The following CNTNAP2 variants were observed in gnomAD, a reference collection of about 807,000 sequenced individuals.
The protein encoded by CNTNAP2 is contactin-associated protein-like 2.
A neutral mutation model predicts 155.2 loss-of-function variants in CNTNAP2; 98 were observed. That is an observed-to-expected ratio of 0.63 (90% CI 0.54 to 0.75). The LOEUF is 0.75. CNTNAP2 is among the 30% of genes least tolerant of loss of function. The pLI, the probability that CNTNAP2 is intolerant of heterozygous loss-of-function variation, is 0.00. For missense variants in CNTNAP2, 1,727 were observed against 1,688.1 expected (o/e 1.02, Z -0.40); for synonymous variants, 651 against 631.2 (o/e 1.03, Z -0.47).
At chr7:147,109,156 T>C (rs780221690) in intron 5 of CNTNAP2, among the ~76,000 whole-genome samples, 4 of 152,182 alleles carry the variant, frequency 2.6e-5, no homozygotes, top group Non-Finnish European at 5.9e-5. Context: ...ATTACTTGTG[T>C]AGATATGAGA....
At chr7:147,479,893 A>G (rs2116625483) in intron 10 of CNTNAP2, among the ~76,000 whole-genome samples, 1 of 152,136 alleles carries the variant, frequency 6.6e-6, no homozygotes, top group East Asian at 1.9e-4. Flanking sequence ...ACAACATTTT[A>G]AATTAGTTAC....
At chr7:146,786,853 G>A (rs1802582444) in intron 2 of CNTNAP2, 1 of 152,048 alleles carries the variant, frequency 6.6e-6, no homozygotes, top group Non-Finnish European at 1.5e-5. Context: ...TCTGTCTTCT[G>A]CTTTAAAATT....
intron 14 of CNTNAP2, among the ~76,000 whole-genome samples, chr7:147,957,122 A>T (rs1801029083): frequency 6.6e-6 from 1 of 152,196 alleles, no homozygotes; most frequent in Non-Finnish European, 1.5e-5. Flanking sequence ...CAGGGGAAAA[A>T]GTCTGTTAAG....
chr7:147,429,845 G>C (rs1407631449), intron 10 of CNTNAP2, among the ~76,000 whole-genome samples: 2 of 152,032 alleles, frequency 1.3e-5, no homozygotes, highest in Non-Finnish European at 2.9e-5. Context: ...GTTTTTGTCA[G>C]CTTGGTCAAA....
At chr7:146,727,041 A>G (rs1385491978) in intron 1 of CNTNAP2, among the ~76,000 whole-genome samples, 5 of 152,012 alleles carry the variant, frequency 3.3e-5, no homozygotes, top group Non-Finnish European at 7.4e-5. Context: ...TTTTCTGCTG[A>G]AGTTATAAAT....
intron 9 of CNTNAP2, among the ~76,000 whole-genome samples, chr7:147,371,092 C>A (rs1437896088): frequency 6.6e-6 from 1 of 152,080 alleles, no homozygotes; most frequent in African/African-American, 2.4e-5. Context: ...GCTAAATTCA[C>A]CTCACAAAGG....
intron 15 of CNTNAP2, among the ~76,000 whole-genome samples, chr7:148,107,721 A>G (rs1388985088): frequency 6.6e-6 from 1 of 152,248 alleles, no homozygotes; most frequent in Non-Finnish European, 1.5e-5. Flanking sequence ...CCCAGCTCAC[A>G]GGAAACAATA....
At chr7:146,576,781 T>C (rs1022906244) in intron 1 of CNTNAP2, among the ~76,000 whole-genome samples, 1 of 152,172 alleles carries the variant, frequency 6.6e-6, no homozygotes, top group African/African-American at 2.4e-5. Context: ...TGTAAAATAG[T>C]ACATTCATAT....
chr7:147,310,173 T>A (rs73742538), intron 9 of CNTNAP2, among the ~76,000 whole-genome samples: 3,817 of 152,254 alleles, frequency 0.025, 154 homozygotes, highest in African/African-American at 0.084. Context: ...AAACTAATTA[T>A]CATTACAATT....
At chr7:146,316,212 C>A (rs1486748391) in intron 1 of CNTNAP2, among the ~76,000 whole-genome samples, 2 of 151,914 alleles carry the variant, frequency 1.3e-5, no homozygotes, top group African/African-American at 2.4e-5. Context: ...TTCCTATATA[C>A]CCCAAATGTT....
At chr7:147,112,218 T>A (rs1473532334) in intron 5 of CNTNAP2, among the ~76,000 whole-genome samples, 2 of 152,194 alleles carry the variant, frequency 1.3e-5, no homozygotes, top group Non-Finnish European at 2.9e-5. Flanking sequence ...TTTTATACAT[T>A]GATTTTGTAT....
intron 13 of CNTNAP2, among the ~76,000 whole-genome samples, chr7:147,798,515 C>T (rs184966606): frequency 6.6e-6 from 1 of 152,290 alleles, no homozygotes; most frequent in East Asian, 1.9e-4. Context: ...ATGGCTTCAT[C>T]CTTGCACTGG....
intron 9 of CNTNAP2, among the ~76,000 whole-genome samples, chr7:147,370,909 C>T (rs924960359): frequency 6.6e-6 from 1 of 151,956 alleles, no homozygotes; most frequent in Non-Finnish European, 1.5e-5. Context: ...TTAGTATTAC[C>T]AATTGTTACT....
chr7:146,647,412 G>T (rs1246666325), intron 1 of CNTNAP2, among the ~76,000 whole-genome samples: 2 of 152,012 alleles, frequency 1.3e-5, no homozygotes, highest in African/African-American at 4.8e-5. Flanking sequence ...TAAGAACCTT[G>T]TCTGAGGGAT....
rs534806900 is a variant in CNTNAP2, at chr7:147,689,141, A to G, written c.2098+49835A>G. Among the ~76,000 whole-genome samples the G allele has an allele frequency of 8.8e-5, 13 of 148,192 alleles. No individual in the cohort carries two copies. The South Asian group carries it at 2.7e-3, about 31-fold the overall frequency. On this transcript the variant is annotated intron_variant, in intron 13 of 23. Transcript: ENST00000361727. Reference sequence around the variant, plus strand: ...TTTATTTCTTGAAAGCGGAGTATTCATAATTACTACTTTTTTTTTTTTTTT... The same window carrying G: ...TTTATTTCTTGAAAGCGGAGTATTCGTAATTACTACTTTTTTTTTTTTTTT...
intron 10 of CNTNAP2, among the ~76,000 whole-genome samples, chr7:147,448,825 T>G (rs529348981): frequency 6.6e-6 from 1 of 152,300 alleles, no homozygotes; most frequent in Non-Finnish European, 1.5e-5. Context: ...GCTCTCTGTC[T>G]ACATAGTTGG....
chr7:147,633,171 A>G (rs2116913552), intron 12 of CNTNAP2, among the ~76,000 whole-genome samples: 1 of 152,332 alleles, frequency 6.6e-6, no homozygotes, highest in East Asian at 1.9e-4. Context: ...AGCCTTGGCT[A>G]AAAGGGGTCA....
intron 18 of CNTNAP2, among the ~76,000 whole-genome samples, chr7:148,182,766 C>G (rs117339252): frequency 6.6e-6 from 1 of 152,166 alleles, no homozygotes; most frequent in African/African-American, 2.4e-5. Flanking sequence ...TCTGAGCCAT[C>G]CTTTTCTTGG....
intron 12 of CNTNAP2, among the ~76,000 whole-genome samples, chr7:147,625,702 C>T (rs1322475788): frequency 6.6e-6 from 1 of 152,134 alleles, no homozygotes; most frequent in Non-Finnish European, 1.5e-5. Context: ...GAGACTCACA[C>T]TGTGATCTGT....
Sources: gnomAD v4.1 joint callset for allele counts (sites outside exome capture counted in the v4.1 genomes callset) on GRCh38, gnomAD v4.1.1 for gene constraint, MANE v1.5 for transcripts, NCBI Gene and HGNC (gene_info 2026-07-23, HGNC 2026-07-21) for gene names.